Variants in PPARGC1B observed in about 807,000 individuals in gnomAD.
The protein encoded by PPARGC1B is PPARG coactivator 1 beta, also known as peroxisome proliferator-activated receptor gamma coactivator 1-beta.
A neutral mutation model predicts 101.6 loss-of-function variants in PPARGC1B; 34 were observed. The observed-to-expected ratio is 0.33, with a 90% CI of 0.25 to 0.45. The LOEUF (loss-of-function observed/expected upper bound fraction) is 0.45, where lower values mean the gene tolerates loss of function less well. PPARGC1B is among the 20% of genes least tolerant of loss of function. The pLI is 1.00. For synonymous variants in PPARGC1B, 548 were observed against 539.3 expected (o/e 1.02, Z -0.22); for missense variants, 1,234 against 1,317.6 (o/e 0.94, Z 0.98).
chr5:149,838,121 A>AT (rs79527608), intron 8 of PPARGC1B, among the ~76,000 whole-genome samples: 1 of 151,570 alleles, frequency 6.6e-6, no homozygotes, highest in Middle Eastern at 3.4e-3. Flanking sequence ...GCAAAAAAAA[A>AT]TTTTTTTTTG....
At chr5:149,825,872 A>G (rs1423454982) in intron 2 of PPARGC1B, among the ~76,000 whole-genome samples, 4 of 152,220 alleles carry the variant, frequency 2.6e-5, no homozygotes, top group African/African-American at 9.7e-5. Flanking sequence ...GTGTAACAGT[A>G]GCAGCACTAG....
At chr5:149,835,181 T>C (rs1000558327) in intron 6 of PPARGC1B, 120 bp from the exon 7 acceptor site, 15 of 887,556 alleles carry the variant, frequency 1.7e-5, no homozygotes, top group Non-Finnish European at 2.8e-5. Flanking sequence ...CAGGCTCCAT[T>C]TCCATGGGCA....
intron 1 of PPARGC1B, among the ~76,000 whole-genome samples, chr5:149,814,593 T>C (rs1757985827): frequency 1.3e-5 from 2 of 152,120 alleles, no homozygotes; most frequent in Admixed American, 1.3e-4. Context: ...CCAGCTTCCT[T>C]CCACTCAGTA....
chr5:149,839,807 G>A (rs1456479482), intron 8 of PPARGC1B, among the ~76,000 whole-genome samples: 1 of 152,156 alleles, frequency 6.6e-6, no homozygotes, highest in Non-Finnish European at 1.5e-5. Flanking sequence ...AGTGGTTCCC[G>A]GTGATCCAGT....
rs745307683 is a variant in PPARGC1B at position 149,772,171 on chromosome 5, C to T, written c.78+41751C>T. On this transcript the variant is annotated intron_variant, in intron 1 of 11. Coordinates refer to ENST00000309241, the MANE Select transcript of PPARGC1B (RefSeq NM_133263.4). ...GTTGGGCCAGAGGTTGTTTAGGTGG[C>T]GTTGGTGGTGAAGGCTTTTTCTGTG... The T allele has an allele frequency of 3.1e-6, 5 of 1,607,490 alleles. No homozygotes were observed. The African/African-American group carries it at 4.0e-5, about 13-fold the overall frequency.
intron 10 of PPARGC1B, 187 bp from the exon 11 acceptor site, chr5:149,845,573 A>G: frequency 3.3e-6 from 2 of 600,032 alleles, no homozygotes; most frequent in East Asian, 2.8e-5. Flanking sequence ...CATTCAACAT[A>G]TTAGCTGCTT....
chr5:149,776,148 TTCTAAC>T (rs72165823), intron 1 of PPARGC1B, among the ~76,000 whole-genome samples: 35,776 of 151,890 alleles, frequency 0.24, 4,605 homozygotes, highest in Middle Eastern at 0.38. Flanking sequence ...GTACATTCTA[TTCTAAC>T]TCTAATAGGT....
chr5:149,744,934 G>T (rs1400346634), intron 1 of PPARGC1B, among the ~76,000 whole-genome samples: 1 of 148,650 alleles, frequency 6.7e-6, no homozygotes, highest in Admixed American at 6.7e-5. Flanking sequence ...TTTGAGACAG[G>T]GTCTTGCTCT....
rs1487161064 is a variant in PPARGC1B at position 149,854,381 on chromosome 5, G to GTGTGTT, written c.*6829_*6834dup. 1 of 150,706 alleles carries GTGTGTT rather than the reference G, an allele frequency of 6.6e-6. No homozygotes were observed. Among genetic ancestry groups the GTGTGTT allele is most frequent in the Non-Finnish European group, 1.5e-5 (1 of 67,648 alleles). The allele number at this position is 150,706 out of a possible 1,614,324, so 9.3% of individuals were successfully genotyped here. A position where few individuals can be genotyped will look rare whatever the true frequency, so the allele number is the denominator to read the frequency against. On this transcript the variant is annotated 3_prime_UTR_variant, in exon 12 of 12. Transcript: ENST00000309241. Reference sequence around the variant, plus strand: ...CATACACACGTCTGTGCCTGTGTGTGTGTGTTTGTGTGTGTGTGTGTGTGT... The same window carrying GTGTGTT: ...CATACACACGTCTGTGCCTGTGTGTGTGTGTTTGTGTTTGTGTGTGTGTGTGTGTGT...
In PPARGC1B at chr5:149,837,932, G is replaced by C. The variant is rs761610596; in HGVS notation, c.2618+859G>C. 6.6e-6 allele frequency among the ~76,000 whole-genome samples: 1 copy of C among 152,060 alleles called. No individual in the cohort carries two copies. The highest frequency in any genetic ancestry group is 1.5e-5 in the Non-Finnish European group (1 of 68,014). Reference sequence around the variant, plus strand: ...AGGATTTGTTGCGCCTCCACTGGCCGGCCCACACCCGGGTGTCTGATCTGT... The same window carrying C: ...AGGATTTGTTGCGCCTCCACTGGCCCGCCCACACCCGGGTGTCTGATCTGT... On this transcript the variant is annotated intron_variant, in intron 8 of 11. Coordinates refer to ENST00000309241, the MANE Select transcript of PPARGC1B (RefSeq NM_133263.4). This position sits in a 1 kb window ranked among gnomAD's most constrained non-coding sequence, Gnocchi z 4.2.
At chr5:149,807,571 G>A (rs9324628) in intron 1 of PPARGC1B, among the ~76,000 whole-genome samples, 40,469 of 151,962 alleles carry the variant, frequency 0.27, 5,793 homozygotes, top group East Asian at 0.32. Flanking sequence ...AAGCAAAATC[G>A]ATGCATTTCA....
chr5:149,833,743 A>T lies in PPARGC1B; in HGVS notation c.1670A>T (p.Asp557Val), dbSNP rs1402697112. The change falls in exon 5 of 12, where the codon GAT becomes GTT. Residue 557 changes from aspartate to valine, a missense_variant. Asp to Val is a radical substitution (Grantham distance 152). This residue lies in a region of PPARGC1B where 734 missense variants were observed against 768.4 expected (regional missense o/e 0.96). Coordinates refer to ENST00000309241, the MANE Select transcript of PPARGC1B (RefSeq NM_133263.4). This position sits in a 1 kb window ranked among gnomAD's most constrained non-coding sequence, Gnocchi z 4.1. ...SPCESGCGDM[D>V]EDPSCPQLPP... is the part of the protein sequence containing the mutation. The stretch of plus-strand genomic sequence containing the variant: ...TGTGAGAGTGGGTGTGGGGACATGG[A>T]TGAGGACCCCAGCTGCCCGCAGCTC... The T allele has an allele frequency of 6.4e-7, 1 of 1,569,172 alleles. No individual in the cohort carries two copies. Among genetic ancestry groups the T allele is most frequent in the African/African-American group, 1.4e-5 (1 of 74,042 alleles).
chr5:149,809,229 T>C (rs1364146697), intron 1 of PPARGC1B, among the ~76,000 whole-genome samples: 132 of 11,470 alleles, frequency 0.012, 9 homozygotes, highest in African/African-American at 0.038. Context: ...GATCCATCTC[T>C]ACCATAGATA....
chr5:149,737,285 T>C (rs969603962), intron 1 of PPARGC1B, among the ~76,000 whole-genome samples: 7 of 152,208 alleles, frequency 4.6e-5, no homozygotes, highest in Non-Finnish European at 1.0e-4. Context: ...AACTTAAACC[T>C]GATTTCCGAA....
chr5:149,802,145 A>G (rs1273253775), intron 1 of PPARGC1B, among the ~76,000 whole-genome samples: 2 of 152,112 alleles, frequency 1.3e-5, no homozygotes, highest in East Asian at 3.9e-4. Context: ...CCAAGGCCCC[A>G]GCTTCTGTCT....
At chr5:149,763,526 G>T (rs985128878) in intron 1 of PPARGC1B, among the ~76,000 whole-genome samples, 2 of 67,678 alleles carry the variant, frequency 3.0e-5, no homozygotes, top group African/African-American at 6.0e-5. Flanking sequence ...TTCACTCCTG[G>T]TTTTTTTTTT....
At position 149,832,687 on chromosome 5, in the gene PPARGC1B, T is replaced by A. The variant is rs1338983873; in HGVS notation, c.614T>A (p.Met205Lys). Residue 205 changes from methionine (M) to lysine (K), a missense_variant, in exon 5 of 12, where the codon ATG becomes AAG. Physicochemically the swap from Met to Lys is moderately conservative, Grantham distance 95. This residue lies in a region of PPARGC1B where 734 missense variants were observed against 768.4 expected (regional missense o/e 0.96). Transcript: ENST00000309241. This position sits in a 1 kb window ranked among gnomAD's most constrained non-coding sequence, Gnocchi z 4.9. ...ADSTQDKKAP[M>K]MQSQSRSCTE... ...AGCACCCAAGACAAGAAGGCTCCCA[T>A]GATGCAGTCTCAGAGCCGAAGTTGT... 1 of 1,556,804 alleles carries A rather than the reference T, an allele frequency of 6.4e-7. No homozygotes were observed. Among genetic ancestry groups the A allele is most frequent in the Non-Finnish European group, 8.7e-7 (1 of 1,148,336 alleles).
chr5:149,755,421 G>A (rs1429657948), intron 1 of PPARGC1B, among the ~76,000 whole-genome samples: 1 of 151,584 alleles, frequency 6.6e-6, no homozygotes, highest in African/African-American at 2.4e-5. Context: ...CTCTTTCATG[G>A]GTGAACCCCT....
chr5:149,798,871 A>G (rs1324558667), intron 1 of PPARGC1B, among the ~76,000 whole-genome samples: 4 of 152,188 alleles, frequency 2.6e-5, no homozygotes, highest in Non-Finnish European at 4.4e-5. Context: ...TGCTTGGCAC[A>G]AAAGAGAGGC....
Sources: allele counts gnomAD v4.1 joint callset (sites outside exome capture counted in the v4.1 genomes callset), GRCh38; gene constraint gnomAD v4.1.1; regional missense constraint gnomAD v4.1.1; non-coding constraint Gnocchi (gnomAD v3.1); transcripts MANE v1.5; gene names NCBI Gene and HGNC (gene_info 2026-07-23, HGNC 2026-07-21).